DLGAP2: variants seen among roughly 807,000 people sequenced by gnomAD.
The protein encoded by DLGAP2 is DLG associated protein 2.
In DLGAP2, 26 loss-of-function variants were observed where a neutral mutation model predicts 100.3. The ratio of observed to expected loss-of-function variants is 0.26; its 90% CI spans 0.19 to 0.36. DLGAP2 has a LOEUF of 0.36. Among genes scored for constraint, DLGAP2 ranks in the 10% least tolerant of loss-of-function variants. The pLI, the probability that DLGAP2 is intolerant of heterozygous loss-of-function variation, is 1.00. For missense variants in DLGAP2, 1,858 were observed against 1,453.2 expected, an observed-to-expected ratio of 1.28 and a Z score of -4.53; for synonymous variants, 886 against 630.1, an observed-to-expected ratio of 1.41 and a Z score of -6.08.
intron 1 of DLGAP2, among the ~76,000 whole-genome samples, chr8:875,838 T>C (rs1177006227): frequency 6.6e-6 from 1 of 152,218 alleles, no homozygotes; most frequent in East Asian, 1.9e-4. Context: ...ATATATGTTT[T>C]AGCTTATTAA....
intron 2 of DLGAP2, among the ~76,000 whole-genome samples, chr8:1,075,555 A>G (rs1386546632): frequency 6.6e-6 from 1 of 152,196 alleles, no homozygotes; most frequent in African/African-American, 2.4e-5. Flanking sequence ...CTTAAGTACC[A>G]AAAGCTCTGC....
intron 2 of DLGAP2, among the ~76,000 whole-genome samples, chr8:947,094 C>T (rs1271310517): frequency 6.6e-6 from 1 of 152,202 alleles, no homozygotes; most frequent in Non-Finnish European, 1.5e-5. Context: ...TCTGGGATGG[C>T]ATCCCTGGCT....
At chr8:1,604,917 A>G (rs1203217331) in intron 6 of DLGAP2, among the ~76,000 whole-genome samples, 3 of 152,232 alleles carry the variant, frequency 2.0e-5, no homozygotes, top group East Asian at 1.9e-4. Context: ...TGAGCTTAGC[A>G]TCTACCAGGA....
At chr8:1,558,258 T>A (rs1032192269) in intron 5 of DLGAP2, among the ~76,000 whole-genome samples, 3 of 152,204 alleles carry the variant, frequency 2.0e-5, no homozygotes, top group Admixed American at 6.5e-5. Flanking sequence ...CAGTCACGTG[T>A]GCCCAGTCGC....
At chr8:1,334,895 C>T (rs1255358414) in intron 3 of DLGAP2, among the ~76,000 whole-genome samples, 3 of 152,212 alleles carry the variant, frequency 2.0e-5, no homozygotes, top group African/African-American at 7.2e-5. Flanking sequence ...CTTTCTTCTC[C>T]TCCCCGCCTT....
chr8:1,034,303 C>T (rs1200498815), intron 2 of DLGAP2, among the ~76,000 whole-genome samples: 1 of 17,556 alleles, frequency 5.7e-5, no homozygotes, highest in African/African-American at 4.1e-4. Context: ...CGCATGTCAC[C>T]GCGAGTGGGT....
intron 4 of DLGAP2, among the ~76,000 whole-genome samples, chr8:1,517,267 G>A (rs1563197173): frequency 6.6e-6 from 1 of 152,176 alleles, no homozygotes; most frequent in African/African-American, 2.4e-5. Flanking sequence ...TGTGGGGTCA[G>A]GAGCTTGGAA....
intron 4 of DLGAP2, among the ~76,000 whole-genome samples, chr8:1,534,770 G>C (rs1435321069): frequency 2.0e-5 from 2 of 99,462 alleles, no homozygotes; most frequent in Non-Finnish European, 3.7e-5. Flanking sequence ...GCATGTGTGT[G>C]AGTGCACGTG....
chr8:1,105,688 G>C (rs1464031369), intron 2 of DLGAP2, among the ~76,000 whole-genome samples: 1 of 148,048 alleles, frequency 6.8e-6, no homozygotes, highest in African/African-American at 2.5e-5. Context: ...TTCTAGGATG[G>C]TTTTCTACTG....
chr8:752,403 G>A (rs1228508253), intron 1 of DLGAP2, among the ~76,000 whole-genome samples: 1 of 152,194 alleles, frequency 6.6e-6, no homozygotes, highest in East Asian at 1.9e-4. Context: ...GGCAGATGAG[G>A]CCTGGTCTTG....
At chr8:1,043,585 G>A (rs1435162527) in intron 2 of DLGAP2, among the ~76,000 whole-genome samples, 1 of 151,994 alleles carries the variant, frequency 6.6e-6, no homozygotes, top group Non-Finnish European at 1.5e-5. Flanking sequence ...CAGTGTTGGT[G>A]AGTGATAACG....
chr8:1,489,703 A>G lies in DLGAP2; in HGVS notation c.107-11663A>G, dbSNP rs969041345. On this transcript the variant is annotated intron_variant, in intron 3 of 14. Coordinates refer to ENST00000637795, the MANE Select transcript of DLGAP2 (RefSeq NM_001346810.2). Reference sequence around the variant, plus strand: ...GCCCATCGCTGTGAGCATCTTGGTTAATTGCCAGCAGACATTTTCCAAAGC... The same window carrying G: ...GCCCATCGCTGTGAGCATCTTGGTTGATTGCCAGCAGACATTTTCCAAAGC... Among the ~76,000 whole-genome samples the G allele has an allele frequency of 2.6e-5, 4 of 152,226 alleles. No homozygotes were observed. In the East Asian group the frequency reaches 5.8e-4, roughly 22 times the overall value.
intron 2 of DLGAP2, among the ~76,000 whole-genome samples, chr8:1,126,283 C>T (rs968526802): frequency 5.3e-5 from 8 of 152,070 alleles, no homozygotes; most frequent in Non-Finnish European, 2.9e-5. Flanking sequence ...TGAAAGCTTC[C>T]TCCATATATA....
intron 2 of DLGAP2, among the ~76,000 whole-genome samples, chr8:1,233,934 A>T (rs1798589930): frequency 6.6e-6 from 1 of 152,150 alleles, no homozygotes; most frequent in African/African-American, 2.4e-5. Context: ...ACACAAAAGG[A>T]CTTAAGGTGT....
Position 1,458,512 on chromosome 8 carries a change from G to A in DLGAP2, c.107-42854G>A, listed in dbSNP as rs758529884. Reference sequence around the variant, plus strand: ...GGTTCAACCTGACATATTTAGACAGGCATTGTTACCTGGCATCATGAATAA... The same window carrying A: ...GGTTCAACCTGACATATTTAGACAGACATTGTTACCTGGCATCATGAATAA... On this transcript the variant is annotated intron_variant, in intron 3 of 14. Coordinates refer to ENST00000637795, the MANE Select transcript of DLGAP2 (RefSeq NM_001346810.2). Among the ~76,000 whole-genome samples, 17 of 152,246 alleles carry A rather than the reference G, an allele frequency of 1.1e-4. No homozygotes were observed. In the East Asian group the frequency reaches 2.7e-3, roughly 24 times the overall value.
rs147190360 is a variant in DLGAP2, at chr8:976,805, A to G, written c.73+68839A>G. Among the ~76,000 whole-genome samples the G allele has an allele frequency of 1.4e-4, 21 of 152,348 alleles. No individual in the cohort carries two copies. In the East Asian group the frequency reaches 3.9e-3, roughly 28 times the overall value. ...AAACATAACTGAAAATAGATTTTAG[A>G]CCTATATATAAAATGCAAAACTGTA... is the stretch of plus-strand genomic sequence containing the variant. On this transcript the variant is annotated intron_variant, in intron 2 of 14. Coordinates refer to ENST00000637795, the MANE Select transcript of DLGAP2 (RefSeq NM_001346810.2).
chr8:1,447,297 G>GT (rs565208966), intron 3 of DLGAP2, among the ~76,000 whole-genome samples: 1 of 152,170 alleles, frequency 6.6e-6, no homozygotes, highest in Non-Finnish European at 1.5e-5. Context: ...TTAGCATGAA[G>GT]GTTGTTGAAT....
chr8:1,247,196 G>GAGTGATGGTCCATGTCGGTGGCCGGC (rs1563036893), intron 2 of DLGAP2: 3 of 48,664 alleles, frequency 6.2e-5, no homozygotes, highest in African/African-American at 3.1e-4. Flanking sequence ...CGGTGGCTGG[G>GAGTGATGGTCCATGTCGGTGGCCGGC]AAGACCTTTG....
chr8:866,309 C>G (rs982792621), intron 1 of DLGAP2, among the ~76,000 whole-genome samples: 1 of 152,210 alleles, frequency 6.6e-6, no homozygotes, highest in African/African-American at 2.4e-5. Context: ...CTTCCAGTGT[C>G]TTGTCCAGGA....
Sources: allele counts gnomAD v4.1 joint callset (sites outside exome capture counted in the v4.1 genomes callset), GRCh38; gene constraint gnomAD v4.1.1; transcripts MANE v1.5; gene names NCBI Gene and HGNC (gene_info 2026-07-23, HGNC 2026-07-21).